RAB33B: variants seen among roughly 807,000 people sequenced by gnomAD.
The protein encoded by RAB33B is ras-related protein Rab-33B.
A neutral mutation model predicts 15.0 loss-of-function variants in RAB33B; 6 were observed. That is an observed-to-expected ratio of 0.40 (90% CI 0.22 to 0.79). The LOEUF (loss-of-function observed/expected upper bound fraction) is 0.79. Among genes scored for constraint, RAB33B ranks in the 30% least tolerant of loss-of-function variants. The pLI is 0.37. For synonymous variants in RAB33B, 117 were observed against 108.3 expected (o/e 1.08, Z -0.50); for missense variants, 257 against 296.4 (o/e 0.87, Z 0.98).
intron 1 of RAB33B, among the ~76,000 whole-genome samples, chr4:139,457,362 G>T (rs938316284): frequency 1.3e-5 from 2 of 152,154 alleles, no homozygotes; most frequent in Non-Finnish European, 2.9e-5. Context: ...CCTTCCTCGT[G>T]TGTATATCCC....
At chr4:139,462,349 G>A (rs1178276924) in intron 1 of RAB33B, among the ~76,000 whole-genome samples, 3 of 152,140 alleles carry the variant, frequency 2.0e-5, no homozygotes, top group Admixed American at 6.5e-5. Flanking sequence ...CACCGCGCCC[G>A]GCCATGACAG....
chr4:139,472,671 T>G lies in RAB33B; in HGVS notation c.250-15T>G. On this transcript the variant is annotated splice_polypyrimidine_tract_variant and intron_variant, in intron 1 of 1. Coordinates refer to ENST00000305626, the MANE Select transcript of RAB33B (RefSeq NM_031296.3). ...ATGGGATTTTCAGTTTTCCTCTTTT[T>G]CTTCCCATTTTTAGATCCAGCTATG... 6.4e-7 allele frequency: 1 copy of G among 1,562,610 alleles called. No homozygotes were observed. Among genetic ancestry groups the G allele is most frequent in the Non-Finnish European group, 8.7e-7 (1 of 1,151,270 alleles).
In RAB33B at chr4:139,472,898, T is replaced by A. The variant is rs763510197; in HGVS notation, c.462T>A (p.Ser154Arg). The part of the protein sequence containing the change: ...ILVGNKCDLR[S>R]AIQVPTDLAQ... The stretch of plus-strand genomic sequence containing the variant: ...TTGGAAATAAATGTGACTTGAGAAG[T>A]GCCATACAGGTACCCACAGACTTGG... Residue 154 changes from serine (S) to arginine (R), a missense_variant, in exon 2 of 2, where the codon AGT becomes AGA. Physicochemically the swap from Ser to Arg is moderately radical, Grantham distance 110 (BLOSUM62 -1). Transcript: ENST00000305626. The A allele has an allele frequency of 2.5e-6, 4 of 1,614,168 alleles. No homozygotes were observed. In the African/African-American group the frequency reaches 4.0e-5, roughly 16 times the overall value.
the RAB33B span, among the ~76,000 whole-genome samples, chr4:139,447,413 A>G: frequency 6.6e-6 from 1 of 152,136 alleles, no homozygotes; most frequent in African/African-American, 2.4e-5. Flanking sequence ...ACCCTTAGAG[A>G]GTCACTAGCA....
At chr4:139,467,421 G>GTT (rs1750311370) in intron 1 of RAB33B, among the ~76,000 whole-genome samples, 1 of 53,072 alleles carries the variant, frequency 1.9e-5, no homozygotes, top group South Asian at 6.6e-4. Flanking sequence ...ATTTTTTTTA[G>GTT]TTTTTAAAAG....
chr4:139,441,019 T>TG, the RAB33B span, among the ~76,000 whole-genome samples: 213 of 152,334 alleles, frequency 1.4e-3, no homozygotes, highest in African/African-American at 5.0e-3. Context: ...TGGTCTCTGT[T>TG]GGACTCATTC....
chr4:139,471,083 G>A (rs549915418), intron 1 of RAB33B, among the ~76,000 whole-genome samples: 2 of 152,154 alleles, frequency 1.3e-5, no homozygotes, highest in East Asian at 1.9e-4. Flanking sequence ...CTGCCCCAGC[G>A]CACTGTCTCT....
chr4:139,471,609 A>G (rs376792392), intron 1 of RAB33B, among the ~76,000 whole-genome samples: 23 of 142,024 alleles, frequency 1.6e-4, no homozygotes, highest in African/African-American at 5.8e-4. Flanking sequence ...AGAGCTTTCT[A>G]TTCTGCCATC....
the RAB33B span, among the ~76,000 whole-genome samples, chr4:139,440,002 T>C: frequency 6.6e-6 from 1 of 152,342 alleles, no homozygotes; most frequent in Non-Finnish European, 1.5e-5. Flanking sequence ...TTCCTGTTTC[T>C]CTGTATCCTT....
In RAB33B at chr4:139,474,448, C is replaced by G. The variant is rs1007896122; in HGVS notation, c.*1322C>G. ...TGTATCCCATATGGTATCTCTTGCTCTTCCTTCAACTCCAATAAATTTAAT... is the reference window on the plus strand; with the variant it reads ...TGTATCCCATATGGTATCTCTTGCTGTTCCTTCAACTCCAATAAATTTAAT... On this transcript the variant is annotated 3_prime_UTR_variant, in exon 2 of 2. Coordinates refer to ENST00000305626, the MANE Select transcript of RAB33B (RefSeq NM_031296.3). The G allele has an allele frequency of 3.3e-5, 5 of 152,222 alleles. No individual in the cohort carries two copies. Among genetic ancestry groups the G allele is most frequent in the Non-Finnish European group, 7.4e-5 (5 of 68,016 alleles). The allele number at this position is 152,222 out of a possible 1,614,324, so 9.4% of individuals were successfully genotyped here. A position where few individuals can be genotyped will look rare whatever the true frequency, so the allele number is the denominator to read the frequency against.
chr4:139,455,303 C>T (rs772603015), intron 1 of RAB33B, among the ~76,000 whole-genome samples: 2 of 152,150 alleles, frequency 1.3e-5, no homozygotes, highest in Non-Finnish European at 2.9e-5. Context: ...CACTAAATGC[C>T]ACCTGTTGAT....
chr4:139,439,984 G>A, the RAB33B span, among the ~76,000 whole-genome samples: 10 of 152,026 alleles, frequency 6.6e-5, no homozygotes, highest in South Asian at 2.1e-3. Context: ...ATTTGAATGG[G>A]TTACACTTTC....
Position 139,473,142 on chromosome 4 carries a change from A to G in RAB33B, c.*16A>G, listed in dbSNP as rs747719770. ...CTGGTGCTAAATAACAGTCTTTATT[A>G]TATTATCTAATTTTGACTAAAGAAA... On this transcript the variant is annotated 3_prime_UTR_variant, in exon 2 of 2. Coordinates refer to ENST00000305626, the MANE Select transcript of RAB33B (RefSeq NM_031296.3). The G allele has an allele frequency of 3.2e-6, 5 of 1,553,104 alleles. No individual in the cohort carries two copies. In the South Asian group the frequency reaches 3.7e-5, roughly 11 times the overall value.
upstream of RAB33B, chr4:139,451,702 G>GT (rs1749929417): frequency 6.6e-6 from 1 of 152,072 alleles, no homozygotes; most frequent in Non-Finnish European, 1.5e-5. Flanking sequence ...AATATCCAAT[G>GT]TTTTTTCTTC....
rs1750457016 is a variant in RAB33B, at chr4:139,474,177, A to G, written c.*1051A>G. On this transcript the variant is annotated 3_prime_UTR_variant, in exon 2 of 2. Coordinates refer to ENST00000305626, the MANE Select transcript of RAB33B (RefSeq NM_031296.3). ...CTCAGCTTCCCAAAGTGCTGGGATT[A>G]CAGGTGTGAGTCACTGCACCCAGCC... The G allele has an allele frequency of 6.6e-6, 1 of 152,176 alleles. No homozygotes were observed. The highest frequency in any genetic ancestry group is 2.4e-5 in the African/African-American group (1 of 41,434). 9.4% of individuals were successfully genotyped at this position (152,176 alleles called of 1,614,324 possible). A position where few individuals can be genotyped will look rare whatever the true frequency, so the allele number is the denominator to read the frequency against.
At chr4:139,445,259 C>A in the RAB33B span, among the ~76,000 whole-genome samples, 1 of 152,232 alleles carries the variant, frequency 6.6e-6, no homozygotes, top group Non-Finnish European at 1.5e-5. Flanking sequence ...AGCAATATAC[C>A]TTTACTGTAC....
chr4:139,455,596 T>G (rs1344193098), intron 1 of RAB33B, among the ~76,000 whole-genome samples: 1 of 152,216 alleles, frequency 6.6e-6, no homozygotes, highest in Non-Finnish European at 1.5e-5. Flanking sequence ...TTTTAATTTT[T>G]CACATTAGTA....
upstream of RAB33B, chr4:139,451,129 G>C (rs1396626241): frequency 6.6e-6 from 1 of 151,314 alleles, no homozygotes; most frequent in East Asian, 2.0e-4. Context: ...CTCAACTCTT[G>C]ACCTCATGAT....
chr4:139,454,792 G>A (rs1750031382), intron 1 of RAB33B, among the ~76,000 whole-genome samples: 2 of 152,132 alleles, frequency 1.3e-5, no homozygotes, highest in African/African-American at 4.8e-5. Flanking sequence ...CGTGTGCTGG[G>A]AGTCAGTCAA....
Sources: gnomAD v4.1 joint callset for allele counts (sites outside exome capture counted in the v4.1 genomes callset) on GRCh38, gnomAD v4.1.1 for gene constraint, MANE v1.5 for transcripts, NCBI Gene and HGNC (gene_info 2026-07-23, HGNC 2026-07-21) for gene names.